SETD2: variants seen among roughly 807,000 people sequenced by gnomAD.
SETD2 encodes histone-lysine N-methyltransferase SETD2.
Under a neutral mutation model 242.1 loss-of-function variants are expected in SETD2, and 31 were observed. That is an observed-to-expected ratio of 0.13 (90% CI 0.10 to 0.17). The LOEUF is 0.17. SETD2 is among the 10% of genes least tolerant of loss of function. SETD2 has a pLI of 1.00. For missense variants in SETD2, 2,481 were observed against 3,046.3 expected, an observed-to-expected ratio of 0.81 and a Z score of 4.37; for synonymous variants, 1,006 against 1,066.5, an observed-to-expected ratio of 0.94 and a Z score of 1.11.
intron 16 of SETD2, among the ~76,000 whole-genome samples, chr3:47,045,157 G>C (rs1360554588): frequency 6.6e-6 from 1 of 152,180 alleles, no homozygotes; most frequent in Non-Finnish European, 1.5e-5. Context: ...GGAGGCTGAA[G>C]CGGGCGGATC....
At chr3:47,071,612 T>C (rs149626522) in intron 12 of SETD2, among the ~76,000 whole-genome samples, 1 of 151,886 alleles carries the variant, frequency 6.6e-6, no homozygotes, top group African/African-American at 2.4e-5. Flanking sequence ...GATCACAATT[T>C]GGGGAAATTT....
Position 47,072,068 on chromosome 3 carries a change from GGAGGCC to G in SETD2, c.6061-4956_6061-4951del, listed in dbSNP as rs371505371. Among the ~76,000 whole-genome samples, 578 of 152,280 alleles carry G rather than the reference GGAGGCC, an allele frequency of 3.8e-3. 2 individuals are homozygous for G. Among genetic ancestry groups the G allele is most frequent in the African/African-American group, 0.012 (481 of 41,564 alleles). ...TCACGCTTGTAATCCCAGCACTTTGGGAGGCCGAGGCGGGCAGATCACGAGGTCAGA... is the reference window on the plus strand; with the variant it reads ...TCACGCTTGTAATCCCAGCACTTTGGGAGGCGGGCAGATCACGAGGTCAGA... On this transcript the variant is annotated intron_variant, in intron 12 of 20. Transcript: ENST00000409792.
In SETD2 at chr3:47,163,941, C is replaced by T. The variant is rs1697588570; in HGVS notation, c.-17G>A. On this transcript the variant is annotated 5_prime_UTR_variant, in exon 1 of 21. Transcript: ENST00000409792. The stretch of plus-strand genomic sequence containing the variant: ...CTGCTTCATCGGGAGCGGCTGGAGA[C>T]GGCGACGCGAGCCCCCTCCCCGCAG... 7.8e-7 allele frequency: 1 copy of T among 1,284,870 alleles called. No homozygotes were observed. The highest frequency in any genetic ancestry group is 9.9e-7 in the Non-Finnish European group (1 of 1,010,396). 79.6% of individuals were successfully genotyped at this position (1,284,870 alleles called of 1,614,324 possible). A position where few individuals can be genotyped will look rare whatever the true frequency, so the allele number is the denominator to read the frequency against.
At chr3:47,147,695 G>A (rs888273256) in intron 1 of SETD2, among the ~76,000 whole-genome samples, 1 of 151,516 alleles carries the variant, frequency 6.6e-6, no homozygotes, top group Non-Finnish European at 1.5e-5. Context: ...AGGCCAAGGC[G>A]GGCAGATTAC....
At position 47,143,204 on chromosome 3, in the gene SETD2, C is replaced by A. The variant is rs542905184; in HGVS notation, c.72-16541G>T. Among the ~76,000 whole-genome samples the A allele has an allele frequency of 3.3e-5, 5 of 152,150 alleles. No homozygotes were observed. In the South Asian group the frequency reaches 1.0e-3, roughly 32 times the overall value. On this transcript the variant is annotated intron_variant, in intron 1 of 20. Transcript: ENST00000409792. ...AGGTACTCAGCAGGATGAGGCAGGA[C>A]CACTGCTTGAGCCCAGGACGTCAAG...
chr3:47,104,067 T>C (rs1298349004), intron 6 of SETD2, among the ~76,000 whole-genome samples: 1 of 151,976 alleles, frequency 6.6e-6, no homozygotes, highest in East Asian at 1.9e-4. Context: ...GCTGAACCCA[T>C]CCCTAGGGTT....
intron 13 of SETD2, among the ~76,000 whole-genome samples, chr3:47,065,919 C>T (rs1263038639): frequency 6.6e-6 from 1 of 152,190 alleles, no homozygotes; most frequent in Non-Finnish European, 1.5e-5. Context: ...CTAACTTTTT[C>T]AGGGGTGACT....
intron 19 of SETD2, among the ~76,000 whole-genome samples, chr3:47,018,131 C>T (rs2038060644): frequency 6.6e-6 from 1 of 152,166 alleles, no homozygotes. Context: ...TCCAGAGCTT[C>T]TATGAGGCTT....
chr3:47,034,682 G>T (rs1237021296), intron 18 of SETD2, among the ~76,000 whole-genome samples: 4 of 152,118 alleles, frequency 2.6e-5, no homozygotes, highest in Admixed American at 6.6e-5. Context: ...ACAAAGCAAA[G>T]CAAATCAAAT....
At chr3:47,092,879 C>T (rs781388321) in intron 9 of SETD2, among the ~76,000 whole-genome samples, 8 of 152,114 alleles carry the variant, frequency 5.3e-5, no homozygotes, top group Non-Finnish European at 1.0e-4. Context: ...CTACCCCTTC[C>T]TGGTTATAAC....
intron 18 of SETD2, among the ~76,000 whole-genome samples, chr3:47,029,526 G>C (rs900384855): frequency 6.7e-6 from 1 of 150,144 alleles, no homozygotes; most frequent in Non-Finnish European, 1.5e-5. Flanking sequence ...TATAAGTATA[G>C]TGGTCTGCAT....
At chr3:47,066,988 CT>C (rs2040584781) in intron 13 of SETD2, 81 bp downstream of exon 13, 2 of 1,021,946 alleles carry the variant, frequency 2.0e-6, no homozygotes, top group South Asian at 3.0e-5. Flanking sequence ...AACAAAAACG[CT>C]TAAGTTCTTA....
At chr3:47,054,076 C>A (rs888886627) in intron 15 of SETD2, among the ~76,000 whole-genome samples, 1 of 152,110 alleles carries the variant, frequency 6.6e-6, no homozygotes, top group African/African-American at 2.4e-5. Context: ...CTCAATACCC[C>A]CAAAGCCCAG....
At position 47,062,211 on chromosome 3, in the gene SETD2, G is replaced by A. The variant is rs2107588937; in HGVS notation, c.6245C>T (p.Ser2082Leu). 6.2e-7 allele frequency: 1 copy of A among 1,614,102 alleles called. No homozygotes were observed. Among genetic ancestry groups the A allele is most frequent in the Non-Finnish European group, 8.5e-7 (1 of 1,180,022 alleles). ...KEKRKRRSSL[S>L]PPSSAYERGT... ...CCGCTCATAGGCAGAAGAGGGTGGT[G>A]AGAGGGAGCTTCTTCGTTTCCTTTT... Residue 2082 changes from serine to leucine, a missense_variant, in exon 14 of 21, where the codon TCA (serine) becomes TTA (leucine). Physicochemically the swap from Ser to Leu is moderately radical, Grantham distance 145 (BLOSUM62 -2). Coordinates refer to ENST00000409792, the MANE Select transcript of SETD2 (RefSeq NM_014159.7).
At position 47,121,235 on chromosome 3, in the gene SETD2, T is replaced by C. The variant is rs2043071412; in HGVS notation, c.3401A>G (p.His1134Arg). The part of the protein sequence containing the change: ...ACPQTDKFFL[H>R]KGTEKNPEIS... The stretch of plus-strand genomic sequence containing the variant: ...TTCCGGATTCTTCTCTGTTCCTTTA[T>C]GAAGGAAAAACTTATCAGTTTGAGG... Residue 1134 changes from histidine (H) to arginine (R), a missense_variant, in exon 3 of 21, where the codon CAT (histidine) becomes CGT (arginine). By Grantham distance (29) the His-to-Arg change is conservative. This residue lies in a region of SETD2 where 1,300 missense variants were observed against 1,259.2 expected (regional missense o/e 1.03). Coordinates refer to ENST00000409792, the MANE Select transcript of SETD2 (RefSeq NM_014159.7). 1 of 1,614,166 alleles carries C rather than the reference T, an allele frequency of 6.2e-7. No homozygotes were observed. The highest frequency in any genetic ancestry group is 8.5e-7 in the Non-Finnish European group (1 of 1,180,024).
intron 14 of SETD2, among the ~76,000 whole-genome samples, chr3:47,057,965 C>A (rs1004072227): frequency 6.6e-6 from 1 of 151,916 alleles, no homozygotes; most frequent in African/African-American, 2.4e-5. Context: ...CCAATGAATT[C>A]CAACTGGGAA....
At chr3:47,055,392 C>T (rs1256087785) in intron 15 of SETD2, among the ~76,000 whole-genome samples, 2 of 152,176 alleles carry the variant, frequency 1.3e-5, no homozygotes, top group Admixed American at 1.3e-4. Flanking sequence ...ATGCTTTGAA[C>T]ATTTTTTTTT....
intron 18 of SETD2, among the ~76,000 whole-genome samples, chr3:47,030,215 T>TA (rs1436142062): frequency 6.6e-6 from 1 of 151,994 alleles, no homozygotes; most frequent in Admixed American, 6.6e-5. Flanking sequence ...TCAGCACTGT[T>TA]AAAAATAAAA....
At chr3:47,128,519 G>T (rs991334792) in intron 1 of SETD2, among the ~76,000 whole-genome samples, 2 of 152,212 alleles carry the variant, frequency 1.3e-5, no homozygotes, top group South Asian at 4.1e-4. Context: ...CCAAATGTAG[G>T]CCTAACTTCA....
Sources: gnomAD v4.1 joint callset for allele counts (sites outside exome capture counted in the v4.1 genomes callset) on GRCh38, gnomAD v4.1.1 for gene constraint, gnomAD v4.1.1 regional missense constraint, MANE v1.5 for transcripts, NCBI Gene and HGNC (gene_info 2026-07-23, HGNC 2026-07-21) for gene names.